WDR27: variants seen among roughly 807,000 people sequenced by gnomAD.
WDR27 encodes WD repeat domain 27.
A neutral mutation model predicts 114.4 loss-of-function variants in WDR27; 100 were observed. The ratio of observed to expected loss-of-function variants is 0.87; its 90% CI spans 0.74 to 1.03. The LOEUF (loss-of-function observed/expected upper bound fraction) is 1.03, where lower values mean the gene tolerates loss of function less well. WDR27 is among the 50% of genes least tolerant of loss of function. WDR27 has a pLI of 0.00. For synonymous variants in WDR27, 449 were observed against 423.1 expected (o/e 1.06, Z -0.75); for missense variants, 1,129 against 1,092.9 (o/e 1.03, Z -0.47).
intron 19 of WDR27, among the ~76,000 whole-genome samples, chr6:169,635,207 A>C (rs1391815089): frequency 6.6e-6 from 1 of 151,956 alleles, no homozygotes; most frequent in African/African-American, 2.4e-5. Context: ...CTCTACTAAA[A>C]ATACAAAAAT....
At chr6:169,505,778 C>T (rs1420159624) in intron 25 of WDR27, among the ~76,000 whole-genome samples, 3 of 152,230 alleles carry the variant, frequency 2.0e-5, no homozygotes, top group Admixed American at 2.0e-4. Flanking sequence ...TGTGTGATCA[C>T]AGTCATCTGG....
intron 12 of WDR27, 109 bp from the exon 13 acceptor site, chr6:169,658,467 C>A: frequency 1.3e-6 from 1 of 795,692 alleles, no homozygotes; most frequent in Non-Finnish European, 2.1e-6. Context: ...ATTCCTGCAG[C>A]TGTGGACATA....
At chr6:169,605,634 A>C (rs1808997554) in intron 22 of WDR27, among the ~76,000 whole-genome samples, 1 of 151,804 alleles carries the variant, frequency 6.6e-6, no homozygotes, top group African/African-American at 2.4e-5. Context: ...GGAACCAAAA[A>C]AGAGCCCAAA....
intron 2 of WDR27, among the ~76,000 whole-genome samples, chr6:169,674,885 A>C (rs771045300): frequency 6.6e-6 from 1 of 152,176 alleles, no homozygotes; most frequent in African/African-American, 2.4e-5. Context: ...GGGTAGGTAA[A>C]GGAAAAAGGG....
chr6:169,565,102 C>A (rs1243260563), intron 25 of WDR27, among the ~76,000 whole-genome samples: 1 of 152,144 alleles, frequency 6.6e-6, no homozygotes, highest in Non-Finnish European at 1.5e-5. Context: ...GAGTGCAGTC[C>A]CGCCACCTTG....
intron 14 of WDR27, among the ~76,000 whole-genome samples, chr6:169,650,323 A>C (rs1216686315): frequency 2.3e-5 from 2 of 86,058 alleles, no homozygotes; most frequent in South Asian, 4.0e-4. Flanking sequence ...CCCTCCATCC[A>C]CCCACCCACT....
rs554482497 is a variant in WDR27 at position 169,466,968 on chromosome 6, G to A, written c.2646-9334C>T. ...TAGTTACTTCCCAGACCCAATGGGA[G>A]TATAGACATTGGGTAAATACCCATT... On this transcript the variant is annotated intron_variant, in intron 25 of 25. Coordinates refer to ENST00000448612, the MANE Select transcript of WDR27 (RefSeq NM_182552.5). 2.1e-3 allele frequency among the ~76,000 whole-genome samples: 326 copies of A among 152,304 alleles called. 1 individual carries two copies. Among genetic ancestry groups the A allele is most frequent in the Non-Finnish European group, 3.1e-3 (211 of 68,034 alleles).
At chr6:169,501,286 G>A (rs1791198421) in intron 25 of WDR27, among the ~76,000 whole-genome samples, 1 of 152,088 alleles carries the variant, frequency 6.6e-6, no homozygotes, top group South Asian at 2.1e-4. Context: ...GTGTCCAGAC[G>A]GCCTGCAGGT....
chr6:169,580,930 A>ATT (rs1305288495), intron 24 of WDR27, among the ~76,000 whole-genome samples: 10 of 97,970 alleles, frequency 1.0e-4, no homozygotes, highest in South Asian at 4.4e-4. Context: ...AACTTAGTGA[A>ATT]TTTTATATAT....
At chr6:169,656,651 G>A (rs1321479720) in intron 13 of WDR27, among the ~76,000 whole-genome samples, 1 of 152,072 alleles carries the variant, frequency 6.6e-6, no homozygotes. Context: ...GCCCAGGAGG[G>A]CCCAGGAGGA....
intron 9 of WDR27, 94 bp from the exon 10 acceptor site, chr6:169,660,860 G>A (rs1178032042): frequency 1.3e-5 from 14 of 1,056,294 alleles, no homozygotes; most frequent in African/African-American, 1.0e-4. Context: ...TGAGCTCTCC[G>A]CAGGAGTGGG....
intron 17 of WDR27, among the ~76,000 whole-genome samples, chr6:169,640,782 A>C (rs1562783276): frequency 1.3e-5 from 2 of 151,862 alleles, no homozygotes; most frequent in Non-Finnish European, 2.9e-5. Context: ...CATGTGGCGC[A>C]CTGTCTTCCA....
chr6:169,598,808 GC>G (rs1807351222), intron 23 of WDR27, among the ~76,000 whole-genome samples: 1 of 152,110 alleles, frequency 6.6e-6, no homozygotes, highest in South Asian at 2.1e-4. Flanking sequence ...CAGACTTCTG[GC>G]CTCCAGAGCC....
intron 25 of WDR27, among the ~76,000 whole-genome samples, chr6:169,521,310 T>G (rs1268716091): frequency 1.3e-5 from 2 of 151,996 alleles, no homozygotes; most frequent in Non-Finnish European, 2.9e-5. Flanking sequence ...CTTTCGAATA[T>G]GAAGAAGAGA....
At chr6:169,533,287 T>G (rs967822170) in intron 25 of WDR27, among the ~76,000 whole-genome samples, 2 of 150,764 alleles carry the variant, frequency 1.3e-5, no homozygotes, top group Non-Finnish European at 3.0e-5. Context: ...GTAAATGGCT[T>G]TGCAGGAAAA....
At chr6:169,521,628 A>G (rs1215636447) in intron 25 of WDR27, among the ~76,000 whole-genome samples, 1 of 152,128 alleles carries the variant, frequency 6.6e-6, no homozygotes, top group Non-Finnish European at 1.5e-5. Context: ...CGTAAAAAAT[A>G]TGTAAATTGA....
intron 13 of WDR27, among the ~76,000 whole-genome samples, chr6:169,652,294 G>C (rs1348292394): frequency 1.3e-5 from 2 of 152,226 alleles, no homozygotes; most frequent in Non-Finnish European, 2.9e-5. Context: ...TATCGCTAAG[G>C]CTGGACTGCA....
At chr6:169,665,601 T>C (rs959580408) in intron 6 of WDR27, 45 bp from the exon 7 acceptor site, 6 of 1,579,522 alleles carry the variant, frequency 3.8e-6, no homozygotes, top group Non-Finnish European at 5.2e-6. Flanking sequence ...AAGTGCCTGG[T>C]ACCAATTAAC....
chr6:169,529,024 C>A, intron 25 of WDR27, among the ~76,000 whole-genome samples: 1 of 152,134 alleles, frequency 6.6e-6, no homozygotes. Context: ...AAAATGTGTT[C>A]ACAGAGATGC....
Sources: allele counts gnomAD v4.1 joint callset (sites outside exome capture counted in the v4.1 genomes callset), GRCh38; gene constraint gnomAD v4.1.1; transcripts MANE v1.5; gene names NCBI Gene and HGNC (gene_info 2026-07-23, HGNC 2026-07-21).